Variants in ELOVL2 observed in about 807,000 individuals in gnomAD.
The protein encoded by ELOVL2 is ELOVL fatty acid elongase 2.
In ELOVL2, 38 loss-of-function variants were observed where a neutral mutation model predicts 37.7. The observed-to-expected ratio is 1.01, with a 90% CI of 0.78 to 1.32. The LOEUF (loss-of-function observed/expected upper bound fraction) is 1.32, where lower values mean the gene tolerates loss of function less well. ELOVL2 is among the 40% of genes most tolerant of loss of function. The pLI is 0.00. For synonymous variants in ELOVL2, 115 were observed against 122.3 expected, an observed-to-expected ratio of 0.94 and a Z score of 0.40; for missense variants, 352 against 363.6, an observed-to-expected ratio of 0.97 and a Z score of 0.26.
chr6:11,043,870 G>A (rs971782530), intron 1 of ELOVL2: 2 of 208,454 alleles, frequency 9.6e-6, no homozygotes, highest in East Asian at 1.0e-4. Context: ...GCGCGGGAAT[G>A]GCCGCCGCGA....
chr6:11,005,983 A>G (rs1486775162), intron 2 of ELOVL2, among the ~76,000 whole-genome samples: 1 of 152,202 alleles, frequency 6.6e-6, no homozygotes, highest in African/African-American at 2.4e-5. Flanking sequence ...GATTTGAACC[A>G]GTCACATCTG....
intron 1 of ELOVL2, among the ~76,000 whole-genome samples, chr6:11,032,306 C>T (rs915170217): frequency 1.3e-4 from 18 of 136,184 alleles, no homozygotes; most frequent in African/African-American, 5.0e-4. Flanking sequence ...TTAATTTTCA[C>T]ATCTTTTTAC....
At chr6:11,040,411 A>G (rs1783081224) in intron 1 of ELOVL2, among the ~76,000 whole-genome samples, 1 of 151,312 alleles carries the variant, frequency 6.6e-6, no homozygotes, top group South Asian at 2.1e-4. Flanking sequence ...ATGCACTCTA[A>G]GCATAAAATA....
chr6:11,002,286 G>A (rs1269966638), intron 3 of ELOVL2, among the ~76,000 whole-genome samples: 1 of 152,202 alleles, frequency 6.6e-6, no homozygotes, highest in Non-Finnish European at 1.5e-5. Flanking sequence ...GGCAAAGGTT[G>A]TGTTCTAGAA....
At chr6:11,043,147 G>C (rs978258831) in intron 1 of ELOVL2, among the ~76,000 whole-genome samples, 1 of 152,084 alleles carries the variant, frequency 6.6e-6, no homozygotes, top group Non-Finnish European at 1.5e-5. Context: ...TGCCTAAAAG[G>C]GTAGCCAGAG....
chr6:11,035,267 G>A (rs1262643144), intron 1 of ELOVL2, among the ~76,000 whole-genome samples: 1 of 152,072 alleles, frequency 6.6e-6, no homozygotes, highest in Non-Finnish European at 1.5e-5. Context: ...TTTGCTAGAA[G>A]TTCTTCCCAT....
intron 1 of ELOVL2, among the ~76,000 whole-genome samples, chr6:11,028,698 A>C (rs527548036): frequency 2.8e-4 from 43 of 152,168 alleles, no homozygotes; most frequent in Non-Finnish European, 5.4e-4. Flanking sequence ...AAATGATAGT[A>C]ATAATAGTAA....
At position 10,983,833 on chromosome 6, in the gene ELOVL2, G is replaced by C; in HGVS notation, c.839C>G (p.Ser280Cys). 1 of 1,613,504 alleles carries C rather than the reference G, an allele frequency of 6.2e-7. No homozygotes were observed. Among genetic ancestry groups the C allele is most frequent in the Admixed American group, 1.7e-5 (1 of 59,884 alleles). ...ATTTGCTGCAGTGAAGTAGGCTTTG[G>C]AAAAACCATTCTTCACTTCTTTCCC... Reference protein sequence around the residue: ...PAGKEVKNGFSKAYFTAANGV... With the variant: ...PAGKEVKNGFCKAYFTAANGV... The change falls in exon 8 of 8, where the codon TCC becomes TGC. Residue 280 changes from serine to cysteine, a missense_variant. By Grantham distance (112) the Ser-to-Cys change is moderately radical (BLOSUM62 -1). Transcript: ENST00000354666.
chr6:10,998,321 G>C lies in ELOVL2; in HGVS notation c.333+1766C>G, dbSNP rs554023224. ...ATTATTTCACTAGGAGTTGCAAAAT[G>C]GTGATTTTTCTAATTGTTACCTAAG... On this transcript the variant is annotated intron_variant, in intron 4 of 7. Coordinates refer to ENST00000354666, the MANE Select transcript of ELOVL2 (RefSeq NM_017770.4). 2.6e-4 allele frequency among the ~76,000 whole-genome samples: 40 copies of C among 152,032 alleles called. 1 individual carries two copies. The highest frequency in any genetic ancestry group is 5.4e-4 in the Non-Finnish European group (37 of 67,998).
chr6:11,016,774 G>A (rs960550733), intron 1 of ELOVL2, among the ~76,000 whole-genome samples: 1 of 151,994 alleles, frequency 6.6e-6, no homozygotes, highest in Non-Finnish European at 1.5e-5. Flanking sequence ...TGTATTTGAA[G>A]AAACTAAATG....
Position 11,000,143 on chromosome 6 carries a change from C to CT in ELOVL2, c.276dup (p.Gly93ArgfsTer17). 1.9e-6 allele frequency: 3 copies of CT among 1,614,146 alleles called. No individual in the cohort carries two copies. Among genetic ancestry groups the CT allele is most frequent in the Non-Finnish European group, 2.5e-6 (3 of 1,180,020 alleles). ...TCTTGACACTGTAAGTTGTAGCCTC[C>CT]TTCCCAAGTGGAGAGAATGAGCTGC... is the stretch of plus-strand genomic sequence containing the variant. On this transcript the variant is annotated frameshift_variant, in exon 4 of 8. Transcript: ENST00000354666. LOFTEE classifies it high-confidence loss of function.
chr6:11,000,248 G>C (rs1352824175), intron 3 of ELOVL2, 84 bp from the exon 4 acceptor site: 1 of 1,282,994 alleles, frequency 7.8e-7, no homozygotes, highest in East Asian at 2.4e-5. Flanking sequence ...CATGTCTCTG[G>C]CATCTGTTCA....
intron 5 of ELOVL2, 71 bp from the exon 6 acceptor site, chr6:10,990,513 TTCTC>T (rs1479082903): frequency 3.5e-6 from 5 of 1,433,256 alleles, no homozygotes; most frequent in African/African-American, 1.5e-5. Context: ...TCAAGTGAGA[TTCTC>T]TCTCTGCATG....
intron 2 of ELOVL2, among the ~76,000 whole-genome samples, chr6:11,009,125 A>G (rs1782528099): frequency 6.6e-6 from 1 of 152,202 alleles, no homozygotes; most frequent in Non-Finnish European, 1.5e-5. Flanking sequence ...ATAAATGGTG[A>G]GTAAAACAGC....
chr6:11,035,084 G>A (rs186618322), intron 1 of ELOVL2, among the ~76,000 whole-genome samples: 75 of 152,276 alleles, frequency 4.9e-4, no homozygotes, highest in Non-Finnish European at 7.1e-4. Context: ...TGTGAAAACA[G>A]CCTTGTCCAT....
At chr6:11,019,410 G>A (rs181873597) in intron 1 of ELOVL2, among the ~76,000 whole-genome samples, 2,506 of 152,156 alleles carry the variant, frequency 0.016, 59 homozygotes, top group African/African-American at 0.057. Flanking sequence ...AAGCCTCAAA[G>A]AATTCCTATA....
chr6:10,990,667 G>GCCCCCCCCCCCC (rs372558428), intron 5 of ELOVL2, among the ~76,000 whole-genome samples: 4 of 143,002 alleles, frequency 2.8e-5, no homozygotes, highest in African/African-American at 1.0e-4. Context: ...TTTTCAGAAT[G>GCCCCCCCCCCCC]CCCCCCCCCC....
chr6:11,037,450 C>A (rs1192149333), intron 1 of ELOVL2, among the ~76,000 whole-genome samples: 5 of 151,302 alleles, frequency 3.3e-5, no homozygotes, highest in Non-Finnish European at 7.4e-5. Context: ...GGAAATAAAA[C>A]CAAATAGTAA....
intron 4 of ELOVL2, among the ~76,000 whole-genome samples, chr6:10,997,855 CACCGAATAGTTTT>C (rs746913704): frequency 4.6e-5 from 7 of 152,200 alleles, no homozygotes; most frequent in Non-Finnish European, 8.8e-5. Context: ...ATTCAATTTT[CACCGAATAGTTTT>C]ACCATCCACA....
Sources: allele counts gnomAD v4.1 joint callset (sites outside exome capture counted in the v4.1 genomes callset), GRCh38; gene constraint gnomAD v4.1.1; transcripts MANE v1.5; gene names NCBI Gene and HGNC (gene_info 2026-07-23, HGNC 2026-07-21).